Variants in PI4KA observed in about 807,000 individuals in gnomAD.
PI4KA encodes PI4-kinase alpha.
Under a neutral mutation model 271.4 loss-of-function variants are expected in PI4KA, and 122 were observed. That is an observed-to-expected ratio of 0.45 (90% CI 0.39 to 0.52). The LOEUF is 0.52. Among genes scored for constraint, PI4KA ranks in the 20% least tolerant of loss-of-function variants. PI4KA has a pLI of 0.00. For synonymous variants in PI4KA, 1,041 were observed against 1,078.8 expected (o/e 0.96, Z 0.69); for missense variants, 1,969 against 2,769.1 (o/e 0.71, Z 6.48).
chr22:20,764,616 G>A (rs1351571474), intron 22 of PI4KA: 2 of 537,230 alleles, frequency 3.7e-6, no homozygotes. Flanking sequence ...CTTAGATACT[G>A]GGAGGTGTTA....
chr22:20,744,559 A>T (rs1929844265), intron 30 of PI4KA, 69 bp downstream of exon 30: 2 of 1,062,504 alleles, frequency 1.9e-6, no homozygotes, highest in South Asian at 2.6e-5. Flanking sequence ...TTCCACTAGG[A>T]AGCGGCCAAC....
At chr22:20,824,487 A>C (rs993284236) in intron 3 of PI4KA, 73 bp from the exon 4 acceptor site, 3 of 1,037,646 alleles carry the variant, frequency 2.9e-6, no homozygotes, top group Admixed American at 2.1e-5. Flanking sequence ...CATCCAATTC[A>C]ATATGTTCCC....
chr22:20,833,109 T>C (rs916620623), intron 3 of PI4KA, among the ~76,000 whole-genome samples: 3 of 152,090 alleles, frequency 2.0e-5, no homozygotes, highest in South Asian at 2.1e-4. Flanking sequence ...GGGGGTTTGA[T>C]TGGGTTCAGT....
intron 23 of PI4KA, among the ~76,000 whole-genome samples, chr22:20,755,803 T>G (rs78246353): frequency 1.1e-5 from 1 of 93,634 alleles, no homozygotes. Flanking sequence ...CACTGTCACA[T>G]AAAAAAAAAA....
intron 1 of PI4KA, among the ~76,000 whole-genome samples, chr22:20,849,891 AC>A (rs1926748692): frequency 6.6e-6 from 1 of 152,072 alleles, no homozygotes; most frequent in Non-Finnish European, 1.5e-5. Context: ...ACCACAAAAA[AC>A]CACATCTTAT....
chr22:20,788,161 T>C (rs2147528481), intron 19 of PI4KA, among the ~76,000 whole-genome samples: 1 of 152,292 alleles, frequency 6.6e-6, no homozygotes, highest in African/African-American at 2.4e-5. Flanking sequence ...GTGCTGTGTG[T>C]GCAGGTGTCT....
At chr22:20,764,775 A>C (rs1451784611) in intron 22 of PI4KA, 42 bp downstream of exon 22, 9 of 1,551,442 alleles carry the variant, frequency 5.8e-6, no homozygotes, top group Non-Finnish European at 7.0e-6. Context: ...AACCCTGCTC[A>C]AATGTGGATG....
chr22:20,714,146 C>T (rs1398527595), intron 47 of PI4KA, among the ~76,000 whole-genome samples: 1 of 152,130 alleles, frequency 6.6e-6, no homozygotes, highest in African/African-American at 2.4e-5. Context: ...GCCTCCAGAA[C>T]TGAGATCGTC....
intron 1 of PI4KA, among the ~76,000 whole-genome samples, chr22:20,852,567 A>G (rs539011106): frequency 6.6e-6 from 1 of 152,250 alleles, no homozygotes; most frequent in South Asian, 2.1e-4. Context: ...TTCTTCTTCC[A>G]ATTTCTTCTT....
intron 9 of PI4KA, among the ~76,000 whole-genome samples, chr22:20,808,935 C>A (rs964764325): frequency 8.6e-5 from 13 of 152,028 alleles, no homozygotes. Context: ...ATAGGGCATG[C>A]AGTGTGAGGT....
chr22:20,812,726 T>G (rs980954451), intron 8 of PI4KA, among the ~76,000 whole-genome samples: 1 of 152,146 alleles, frequency 6.6e-6, no homozygotes, highest in African/African-American at 2.4e-5. Context: ...GCTAAAGTTT[T>G]GTGTTTTTTA....
chr22:20,798,976 G>A, intron 16 of PI4KA, 117 bp downstream of exon 16: 1 of 823,784 alleles, frequency 1.2e-6, no homozygotes, highest in South Asian at 1.8e-5. Context: ...TAAAACCGTT[G>A]TCAGCATTTA....
intron 10 of PI4KA, among the ~76,000 whole-genome samples, chr22:20,806,693 A>G (rs1416297542): frequency 1.3e-5 from 2 of 152,064 alleles, no homozygotes; most frequent in Non-Finnish European, 2.9e-5. Context: ...TAGTACCTCT[A>G]CATTAACAGA....
chr22:20,849,654 G>C (rs1926709223), intron 1 of PI4KA, among the ~76,000 whole-genome samples: 2 of 151,946 alleles, frequency 1.3e-5, no homozygotes, highest in South Asian at 4.2e-4. Context: ...AGGAGATCAA[G>C]ACCATCCGGC....
At chr22:20,729,535 T>C in intron 38 of PI4KA, 29 bp from the exon 39 acceptor site, 10 of 1,559,958 alleles carry the variant, frequency 6.4e-6, no homozygotes, top group Non-Finnish European at 8.7e-6. Flanking sequence ...AGGCCTGATA[T>C]GCACCCCTTC....
chr22:20,793,130 G>A, intron 19 of PI4KA, 63 bp downstream of exon 19: 1 of 978,936 alleles, frequency 1.0e-6, no homozygotes, highest in South Asian at 1.3e-5. Context: ...TGCGTCACCA[G>A]GCAACACTTA....
chr22:20,751,503 G>T, intron 26 of PI4KA, 127 bp from the exon 27 acceptor site: 1 of 960,736 alleles, frequency 1.0e-6, no homozygotes, highest in Non-Finnish European at 1.6e-6. Context: ...GCAACTTATT[G>T]CAAAACACCA....
chr22:20,780,182 C>T (rs1189857032), intron 19 of PI4KA: 2 of 1,614,226 alleles, frequency 1.2e-6, no homozygotes, highest in African/African-American at 2.7e-5. Flanking sequence ...TGATGATTCT[C>T]AACTGCATCT....
At chr22:20,778,472 C>A (rs1453576959) in intron 19 of PI4KA, among the ~76,000 whole-genome samples, 1 of 152,080 alleles carries the variant, frequency 6.6e-6, no homozygotes, top group Non-Finnish European at 1.5e-5. Flanking sequence ...CCACTGCACT[C>A]CAGCCTGGGT....
Sources: gnomAD v4.1 joint callset for allele counts (sites outside exome capture counted in the v4.1 genomes callset) on GRCh38, gnomAD v4.1.1 for gene constraint, MANE v1.5 for transcripts, NCBI Gene and HGNC (gene_info 2026-07-23, HGNC 2026-07-21) for gene names.